IL22RA2: variants seen among roughly 807,000 people sequenced by gnomAD.
The protein encoded by IL22RA2 is interleukin 22 receptor subunit alpha 2.
IL22RA2 carries 39 observed loss-of-function variants against 30.7 expected under a neutral mutation model. That is an observed-to-expected ratio of 1.27 (90% confidence interval 0.98 to 1.66). IL22RA2 has a LOEUF of 1.66. Ranked by LOEUF, IL22RA2 falls within the 40% of genes most tolerant of loss-of-function variation. IL22RA2 has a pLI of 0.00. For synonymous variants in IL22RA2, 103 were observed against 105.0 expected (o/e 0.98, Z 0.11); for missense variants, 315 against 312.7 (o/e 1.01, Z -0.05).
chr6:137,156,516 T>C (rs1778410169), intron 4 of IL22RA2, among the ~76,000 whole-genome samples: 1 of 152,250 alleles, frequency 6.6e-6, no homozygotes, highest in African/African-American at 2.4e-5. Flanking sequence ...TCTTTTAAAA[T>C]AATATCTCAT....
At chr6:137,162,600 A>G (rs775741364) in intron 1 of IL22RA2, among the ~76,000 whole-genome samples, 7 of 152,234 alleles carry the variant, frequency 4.6e-5, no homozygotes, top group African/African-American at 9.6e-5. Context: ...TTCTCTGTCT[A>G]TGATTCATTA....
intron 1 of IL22RA2, among the ~76,000 whole-genome samples, chr6:137,172,136 C>A (rs1010052881): frequency 2.6e-5 from 4 of 152,148 alleles, no homozygotes; most frequent in African/African-American, 9.7e-5. Context: ...GGCTTCAATA[C>A]CAATAGATCT....
chr6:137,155,529 AAT>A (rs1778387068), intron 4 of IL22RA2, among the ~76,000 whole-genome samples: 1 of 150,448 alleles, frequency 6.6e-6, no homozygotes, highest in Admixed American at 6.6e-5. Context: ...TAAAATATAA[AAT>A]ATATATAAAA....
At chr6:137,168,650 T>G (rs1436553544) in intron 1 of IL22RA2, among the ~76,000 whole-genome samples, 1 of 130,340 alleles carries the variant, frequency 7.7e-6, no homozygotes, top group Non-Finnish European at 1.5e-5. Flanking sequence ...GAAGGGCTGC[T>G]CTGTTTGCCA....
chr6:137,147,923 A>G, intron 5 of IL22RA2, 32 bp from the exon 6 acceptor site: 2 of 1,560,470 alleles, frequency 1.3e-6, no homozygotes, highest in African/African-American at 2.7e-5. Context: ...TTGACAAATC[A>G]TCAAAGGAAT....
intron 2 of IL22RA2, among the ~76,000 whole-genome samples, chr6:137,159,752 C>T (rs1361769027): frequency 6.6e-6 from 1 of 152,180 alleles, no homozygotes; most frequent in Non-Finnish European, 1.5e-5. Context: ...CTGCACTGGC[C>T]CTTCCCTTTT....
chr6:137,156,656 A>C, intron 4 of IL22RA2, 103 bp downstream of exon 4: 1 of 1,458,116 alleles, frequency 6.9e-7, no homozygotes, highest in South Asian at 1.3e-5. Flanking sequence ...ACAGGAATGG[A>C]TTCAGGTATT....
chr6:137,159,713 A>G, intron 2 of IL22RA2, among the ~76,000 whole-genome samples: 1 of 152,146 alleles, frequency 6.6e-6, no homozygotes, highest in Non-Finnish European at 1.5e-5. Context: ...TTGCTCCACC[A>G]TGACTCCAGT....
chr6:137,158,942 G>C (rs143181355), intron 2 of IL22RA2, among the ~76,000 whole-genome samples: 6 of 152,032 alleles, frequency 3.9e-5, no homozygotes, highest in Admixed American at 3.9e-4. Context: ...CCCTCCTTTC[G>C]CAGGTTCTTG....
chr6:137,160,777 G>A (rs1218532764), intron 2 of IL22RA2, among the ~76,000 whole-genome samples: 1 of 152,158 alleles, frequency 6.6e-6, no homozygotes, highest in East Asian at 1.9e-4. Flanking sequence ...TCTCTTACTC[G>A]AGGTTACAGG....
At chr6:137,156,704 T>C in intron 4 of IL22RA2, 55 bp downstream of exon 4, 1 of 1,582,182 alleles carries the variant, frequency 6.3e-7, no homozygotes, top group Non-Finnish European at 8.7e-7. Context: ...GTCCATTTAA[T>C]GTTTCTATAA....
At chr6:137,168,319 T>C (rs1253549174) in intron 1 of IL22RA2, among the ~76,000 whole-genome samples, 1 of 152,214 alleles carries the variant, frequency 6.6e-6, no homozygotes, top group African/African-American at 2.4e-5. Flanking sequence ...TCTTGCCCTA[T>C]GACTTCTTAT....
At chr6:137,172,174 G>C (rs980709722) in intron 1 of IL22RA2, among the ~76,000 whole-genome samples, 6 of 152,180 alleles carry the variant, frequency 3.9e-5, no homozygotes, top group African/African-American at 1.4e-4. Context: ...ATTGCTCCAA[G>C]TTCCAGCTAA....
rs142594532 is a variant in IL22RA2 at position 137,146,229 on chromosome 6, A to G, written c.643-456T>C. On this transcript the variant is annotated intron_variant, in intron 6 of 6. Transcript: ENST00000296980. ...GTATTTTCAGTAGAGATGGAGTTTC[A>G]CCATGTTGACCAGGCAGGTCTTGAA... Among the ~76,000 whole-genome samples, 810 of 152,166 alleles carry G rather than the reference A, an allele frequency of 5.3e-3. 10 individuals carry two copies. Among genetic ancestry groups the G allele is most frequent in the African/African-American group, 0.018 (748 of 41,512 alleles).
At chr6:137,164,702 G>A (rs1778592854) in intron 1 of IL22RA2, among the ~76,000 whole-genome samples, 1 of 152,234 alleles carries the variant, frequency 6.6e-6, no homozygotes, top group South Asian at 2.1e-4. Context: ...AGGAACTCCA[G>A]GGTGATGAGG....
At chr6:137,160,021 T>C (rs1778489251) in intron 2 of IL22RA2, among the ~76,000 whole-genome samples, 1 of 152,242 alleles carries the variant, frequency 6.6e-6, no homozygotes, top group Non-Finnish European at 1.5e-5. Flanking sequence ...CCACCATCAG[T>C]GCATCAAATG....
chr6:137,158,265 C>T (rs1176278351), intron 3 of IL22RA2, 82 bp downstream of exon 3: 16 of 1,527,552 alleles, frequency 1.0e-5, no homozygotes, highest in Middle Eastern at 1.7e-4. Context: ...AAAAAAAGCT[C>T]GGATCCTAAC....
Position 137,154,917 on chromosome 6 carries a change from G to A in IL22RA2, c.472+24C>T, listed in dbSNP as rs545361979. The A allele has an allele frequency of 6.6e-5, 107 of 1,610,942 alleles. No individual in the cohort carries two copies. In the South Asian group the frequency reaches 1.1e-3, roughly 16 times the overall value. ...CTGTCCAAAAGCAGGAAGAACAAGG[G>A]CAAAGAAACTCCATGGAACTCACTT... On this transcript the variant is annotated intron_variant, in intron 5 of 6. Transcript: ENST00000296980.
intron 4 of IL22RA2, among the ~76,000 whole-genome samples, chr6:137,156,444 G>A (rs1024100984): frequency 6.6e-6 from 1 of 152,122 alleles, no homozygotes; most frequent in East Asian, 1.9e-4. Context: ...AGTATAATTT[G>A]ATGTTTTAAA....
Sources: gnomAD v4.1 joint callset for allele counts (sites outside exome capture counted in the v4.1 genomes callset) on GRCh38, gnomAD v4.1.1 for gene constraint, MANE v1.5 for transcripts, NCBI Gene and HGNC (gene_info 2026-07-23, HGNC 2026-07-21) for gene names.